Variants in RYR3 observed in about 807,000 individuals in gnomAD.
RYR3 encodes ryanodine receptor 3, also known as brain ryanodine receptor-calcium release channel.
Under a neutral mutation model 584.3 loss-of-function variants are expected in RYR3, and 207 were observed. That is an observed-to-expected ratio of 0.35 (90% CI 0.32 to 0.40). The LOEUF is 0.40. Ranked by LOEUF, RYR3 falls within the 10% of genes least tolerant of loss-of-function variation. The pLI is 1.00. For missense variants in RYR3, 5,616 were observed against 6,089.2 expected (o/e 0.92, Z 2.59); for synonymous variants, 2,416 against 2,248.5 (o/e 1.07, Z -2.11).
At chr15:33,512,024 C>T (rs956693561) in intron 3 of RYR3, among the ~76,000 whole-genome samples, 1 of 152,078 alleles carries the variant, frequency 6.6e-6, no homozygotes, top group Non-Finnish European at 1.5e-5. Context: ...ATGATCCGCC[C>T]GCCTCGGCCT....
At chr15:33,787,625 T>A (rs2074819887) in intron 66 of RYR3, among the ~76,000 whole-genome samples, 1 of 152,194 alleles carries the variant, frequency 6.6e-6, no homozygotes, top group Non-Finnish European at 1.5e-5. Context: ...CCCCAGCCTC[T>A]TTTTGTTCAT....
intron 67 of RYR3, among the ~76,000 whole-genome samples, chr15:33,797,141 G>A (rs913517608): frequency 6.6e-6 from 1 of 152,116 alleles, no homozygotes; most frequent in Non-Finnish European, 1.5e-5. Context: ...ATTACTTAAT[G>A]AGGACAATGT....
intron 59 of RYR3, 74 bp downstream of exon 59, chr15:33,756,447 TC>T: frequency 9.4e-7 from 1 of 1,069,226 alleles, no homozygotes; most frequent in Non-Finnish European, 1.4e-6. Context: ...GTTAAGTGGA[TC>T]CAGTGAAGAT....
intron 67 of RYR3, among the ~76,000 whole-genome samples, chr15:33,791,180 G>C (rs1272588430): frequency 6.6e-6 from 1 of 152,208 alleles, no homozygotes; most frequent in African/African-American, 2.4e-5. Flanking sequence ...GCCAAGAGAG[G>C]AGTTGTTAAC....
At chr15:33,419,769 T>C (rs1423188135) in intron 1 of RYR3, among the ~76,000 whole-genome samples, 1 of 152,134 alleles carries the variant, frequency 6.6e-6, no homozygotes, top group Non-Finnish European at 1.5e-5. Context: ...TTGTGCCCAC[T>C]TACAAGACGT....
At chr15:33,584,786 C>T (rs1595713504) in intron 15 of RYR3, among the ~76,000 whole-genome samples, 4 of 151,170 alleles carry the variant, frequency 2.6e-5, no homozygotes, top group Admixed American at 2.0e-4. Context: ...CCACCCCCAC[C>T]TCACCCACCC....
chr15:33,346,634 T>G (rs561267403), intron 1 of RYR3, among the ~76,000 whole-genome samples: 2 of 152,352 alleles, frequency 1.3e-5, no homozygotes, highest in African/African-American at 4.8e-5. Flanking sequence ...AATGCCCTGT[T>G]GTGCGGGGGG....
chr15:33,495,417 C>T (rs1213031644), intron 2 of RYR3, among the ~76,000 whole-genome samples: 1 of 152,140 alleles, frequency 6.6e-6, no homozygotes, highest in Non-Finnish European at 1.5e-5. Context: ...GGAAGTGTTT[C>T]AGTCTTTCTG....
chr15:33,331,450 T>G (rs1970368164), intron 1 of RYR3, among the ~76,000 whole-genome samples: 1 of 152,118 alleles, frequency 6.6e-6, no homozygotes, highest in Non-Finnish European at 1.5e-5. Flanking sequence ...ATTAAGTAAT[T>G]TTTGGTAGCG....
intron 38 of RYR3, among the ~76,000 whole-genome samples, chr15:33,684,934 T>C (rs2152745889): frequency 6.6e-6 from 1 of 152,114 alleles, no homozygotes; most frequent in South Asian, 2.1e-4. Flanking sequence ...TTACAAGAGC[T>C]CCTGAAGGAA....
intron 2 of RYR3, among the ~76,000 whole-genome samples, chr15:33,479,961 T>C (rs985017574): frequency 6.6e-6 from 1 of 152,200 alleles, no homozygotes; most frequent in Non-Finnish European, 1.5e-5. Context: ...TTTTACAATA[T>C]AAATGAGAAT....
intron 1 of RYR3, among the ~76,000 whole-genome samples, chr15:33,370,102 CT>C (rs1244054521): frequency 6.6e-6 from 1 of 152,144 alleles, no homozygotes; most frequent in African/African-American, 2.4e-5. Flanking sequence ...CTTTTTCCCC[CT>C]GTAGGAGTCT....
intron 19 of RYR3, among the ~76,000 whole-genome samples, chr15:33,614,547 T>A (rs2060354425): frequency 6.6e-6 from 1 of 152,164 alleles, no homozygotes; most frequent in Non-Finnish European, 1.5e-5. Flanking sequence ...TGGTGAAACA[T>A]TTTTTATGCT....
chr15:33,515,330 G>A (rs1456661198), intron 3 of RYR3, among the ~76,000 whole-genome samples: 1 of 152,186 alleles, frequency 6.6e-6, no homozygotes, highest in Non-Finnish European at 1.5e-5. Context: ...GCTGTTCCCA[G>A]GCAACCACTT....
Position 33,860,610 on chromosome 15 carries a change from C to G in RYR3, c.14315C>G (p.Ala4772Gly), listed in dbSNP as rs986953202. Residue 4772 changes from alanine (A) to glycine (G), a missense_variant, in exon 101 of 104, where the codon GCT (alanine) becomes GGT (glycine). Coordinates refer to ENST00000634891, the MANE Select transcript of RYR3 (RefSeq NM_001036.6). ...AACATTCCAGGTCTTATTATTGATG[C>G]TTTCGGAGAGCTAAGAGACCAGCAG... is the stretch of plus-strand genomic sequence containing the variant. Reference protein sequence around the residue: ...LAIIQGLIIDAFGELRDQQEQ... With the variant: ...LAIIQGLIIDGFGELRDQQEQ... 6.3e-7 allele frequency: 1 copy of G among 1,588,974 alleles called. No homozygotes were observed. The highest frequency in any genetic ancestry group is 8.6e-7 in the Non-Finnish European group (1 of 1,166,042).
At chr15:33,775,259 C>T (rs2073918235) in intron 64 of RYR3, among the ~76,000 whole-genome samples, 1 of 151,898 alleles carries the variant, frequency 6.6e-6, no homozygotes, top group African/African-American at 2.4e-5. Context: ...ATTTTTTTTC[C>T]TAAATATTTT....
chr15:33,680,497 G>GA (rs1480818848), intron 38 of RYR3, among the ~76,000 whole-genome samples: 5 of 152,104 alleles, frequency 3.3e-5, no homozygotes, highest in Non-Finnish European at 1.5e-5. Context: ...TGCAGTTCTG[G>GA]GCCTCATATC....
intron 86 of RYR3, among the ~76,000 whole-genome samples, chr15:33,834,509 T>G (rs1332235664): frequency 6.6e-6 from 1 of 151,848 alleles, no homozygotes; most frequent in Non-Finnish European, 1.5e-5. Flanking sequence ...TAGATAGCTG[T>G]GTGGTTATCA....
chr15:33,317,198 G>A (rs1968302653), intron 1 of RYR3, among the ~76,000 whole-genome samples: 1 of 151,954 alleles, frequency 6.6e-6, no homozygotes, highest in Non-Finnish European at 1.5e-5. Context: ...TTTCTTTTAT[G>A]AGCCCATTTT....
Sources: gnomAD v4.1 joint callset for allele counts (sites outside exome capture counted in the v4.1 genomes callset) on GRCh38, gnomAD v4.1.1 for gene constraint, MANE v1.5 for transcripts, NCBI Gene and HGNC (gene_info 2026-07-23, HGNC 2026-07-21) for gene names.